Variants in CLHC1 observed in about 807,000 individuals in gnomAD.
CLHC1 encodes the protein clathrin heavy chain linker domain-containing protein 1.
A neutral mutation model predicts 69.5 loss-of-function variants in CLHC1; 72 were observed. The ratio of observed to expected loss-of-function variants is 1.04; its 90% CI spans 0.86 to 1.26. The LOEUF (loss-of-function observed/expected upper bound fraction) is 1.26. Among genes scored for constraint, CLHC1 ranks in the 50% most tolerant of loss-of-function variants. The probability of loss-of-function intolerance (pLI) is 0.00; values close to 1 mark genes in which losing one functional copy is unlikely to be tolerated. For synonymous variants in CLHC1, 223 were observed against 224.3 expected, an observed-to-expected ratio of 0.99 and a Z score of 0.05; for missense variants, 790 against 679.3, an observed-to-expected ratio of 1.16 and a Z score of -1.81.
At position 55,227,692 on chromosome 2, in the gene CLHC1, A is replaced by AG. The variant is rs11411873; in HGVS notation, c.-83+339dup. Among the ~76,000 whole-genome samples, 16 of 151,110 alleles carry AG rather than the reference A, an allele frequency of 1.1e-4. No individual in the cohort carries two copies. In the East Asian group the frequency reaches 3.1e-3, roughly 29 times the overall value. Reference sequence around the variant, plus strand: ...GACTCCATCTCAAAAAAAAAAAAAAAGTAAAAGATAAAAGTCAAAAGAGGA... The same window carrying AG: ...GACTCCATCTCAAAAAAAAAAAAAAAGGTAAAAGATAAAAGTCAAAAGAGGA... On this transcript the variant is annotated intron_variant, in intron 2 of 12. Transcript: ENST00000401408.
chr2:55,213,428 T>C (rs1673195372), intron 4 of CLHC1, among the ~76,000 whole-genome samples: 1 of 152,230 alleles, frequency 6.6e-6, no homozygotes, highest in Non-Finnish European at 1.5e-5. Flanking sequence ...GGCTTACTTT[T>C]ATAACCTCCC....
chr2:55,208,865 CTTTTTTTTTTT>C (rs142601208), intron 7 of CLHC1, among the ~76,000 whole-genome samples, 155 bp from the exon 8 acceptor site: 1 of 90,820 alleles, frequency 1.1e-5, no homozygotes, highest in African/African-American at 4.0e-5. Flanking sequence ...TCCCTTTCCT[CTTTTTTTTTTT>C]TTTTTTTTTT....
intron 2 of CLHC1, among the ~76,000 whole-genome samples, chr2:55,223,594 C>CG (rs1485116296): frequency 1.3e-5 from 2 of 151,434 alleles, no homozygotes; most frequent in Non-Finnish European, 2.9e-5. Flanking sequence ...GTGTCGGCCT[C>CG]GGGGGACGGT....
intron 9 of CLHC1, among the ~76,000 whole-genome samples, chr2:55,182,611 A>G (rs1456157358): frequency 6.6e-6 from 1 of 152,198 alleles, no homozygotes; most frequent in Non-Finnish European, 1.5e-5. Flanking sequence ...AGAGAGAACT[A>G]CTGGATATGG....
chr2:55,175,772 G>C lies in CLHC1; in HGVS notation c.*18C>G, dbSNP rs748450750. The C allele has an allele frequency of 3.1e-6, 5 of 1,600,100 alleles. No individual in the cohort carries two copies. Among genetic ancestry groups the C allele is most frequent in the African/African-American group, 1.3e-5 (1 of 74,560 alleles). ...ATAAGGTGTTGTACAAGCTCCCTCA[G>C]CTGGTTAAGATATAGAACTACCAAA... is the stretch of plus-strand genomic sequence containing the variant. On this transcript the variant is annotated 3_prime_UTR_variant, in exon 13 of 13. Coordinates refer to ENST00000401408, the MANE Select transcript of CLHC1 (RefSeq NM_152385.4).
rs181453920 is a variant in CLHC1 at position 55,194,122 on chromosome 2, G to C, written c.1006+12148C>G. Among the ~76,000 whole-genome samples, 31 of 152,138 alleles carry C rather than the reference G, an allele frequency of 2.0e-4. 1 individual carries two copies. The East Asian group carries it at 5.8e-3, about 28-fold the overall frequency. ...TTGCCTGCAGTTTGGAGAGGAAGAA[G>C]AGGCCAGGGAATGAGGAGTTAATGG... On this transcript the variant is annotated intron_variant, in intron 9 of 12. Transcript: ENST00000401408.
Position 55,188,295 on chromosome 2 carries a change from G to A in CLHC1, c.1007-6551C>T, listed in dbSNP as rs373858169. ...TGTACCACTGCACTCCAGCCTAGGT[G>A]ACAGAGCAAGACCCTGTCTTAACAA... On this transcript the variant is annotated intron_variant, in intron 9 of 12. Coordinates refer to ENST00000401408, the MANE Select transcript of CLHC1 (RefSeq NM_152385.4). Among the ~76,000 whole-genome samples, 10 of 152,202 alleles carry A rather than the reference G, an allele frequency of 6.6e-5. No homozygotes were observed. The East Asian group carries it at 1.2e-3, about 18-fold the overall frequency.
chr2:55,195,862 C>A (rs1671365052), intron 9 of CLHC1, among the ~76,000 whole-genome samples: 1 of 152,066 alleles, frequency 6.6e-6, no homozygotes, highest in South Asian at 2.1e-4. Flanking sequence ...CAAAAAAGCA[C>A]CTTCATAAGA....
intron 4 of CLHC1, chr2:55,215,875 A>T (rs1482220947): frequency 6.6e-6 from 1 of 152,076 alleles, no homozygotes; most frequent in African/African-American, 2.4e-5. Context: ...GAAAAAATGT[A>T]TTAGGTAGTA....
At chr2:55,177,167 C>G (rs1669471669) in intron 12 of CLHC1, among the ~76,000 whole-genome samples, 2 of 152,114 alleles carry the variant, frequency 1.3e-5, no homozygotes, top group Non-Finnish European at 2.9e-5. Flanking sequence ...GCCACTGCAC[C>G]CAGCCTAATT....
At chr2:55,198,430 T>A (rs1187283747) in intron 9 of CLHC1, among the ~76,000 whole-genome samples, 1 of 151,818 alleles carries the variant, frequency 6.6e-6, no homozygotes, top group African/African-American at 2.4e-5. Flanking sequence ...TACTAAAAAA[T>A]ACAAAAATTA....
At chr2:55,229,213 TA>T (rs1275451993) in intron 1 of CLHC1, among the ~76,000 whole-genome samples, 15 of 138,332 alleles carry the variant, frequency 1.1e-4, no homozygotes, top group Admixed American at 1.4e-4. Context: ...GTATGACAGA[TA>T]GGGGTTAAGT....
At position 55,184,001 on chromosome 2, in the gene CLHC1, G is replaced by A. The variant is rs186861450; in HGVS notation, c.1007-2257C>T. ...TCACCATGTTGGCCAGGATGGTCTC[G>A]ATCTCTTGACCTCGTGATCCGCCTG... On this transcript the variant is annotated intron_variant, in intron 9 of 12. Transcript: ENST00000401408. Among the ~76,000 whole-genome samples the A allele has an allele frequency of 8.3e-3, 1,270 of 152,158 alleles. 10 individuals are homozygous for A. The highest frequency in any genetic ancestry group is 0.015 in the Non-Finnish European group (1,004 of 68,006).
chr2:55,197,439 G>A (rs1671532468), intron 9 of CLHC1, among the ~76,000 whole-genome samples: 2 of 152,318 alleles, frequency 1.3e-5, no homozygotes, highest in South Asian at 4.1e-4. Flanking sequence ...CATTCCCAGA[G>A]CTGGTGACCA....
intron 9 of CLHC1, among the ~76,000 whole-genome samples, chr2:55,190,891 T>C (rs960157835): frequency 6.6e-6 from 1 of 151,496 alleles, no homozygotes; most frequent in Admixed American, 6.6e-5. Context: ...ACTCCAAGCA[T>C]AAGAAGCATG....
chr2:55,209,374 G>T (rs1287320048), intron 7 of CLHC1, 30 bp downstream of exon 7: 1 of 1,349,632 alleles, frequency 7.4e-7, no homozygotes, highest in Non-Finnish European at 1.0e-6. Flanking sequence ...TTCCATTATT[G>T]GTACTAATTT....
At chr2:55,231,602 G>T (rs942101685) in intron 1 of CLHC1, among the ~76,000 whole-genome samples, 1 of 152,150 alleles carries the variant, frequency 6.6e-6, no homozygotes, top group African/African-American at 2.4e-5. Flanking sequence ...TTGGGGATGG[G>T]GTCGCAGAGG....
At chr2:55,188,009 A>G (rs1009304051) in intron 9 of CLHC1, among the ~76,000 whole-genome samples, 8 of 152,166 alleles carry the variant, frequency 5.3e-5, no homozygotes, top group Non-Finnish European at 1.2e-4. Flanking sequence ...AAAATGGGAA[A>G]TCCAAATACA....
At chr2:55,206,125 T>C (rs1281797398) in intron 9 of CLHC1, 145 bp downstream of exon 9, 1 of 585,398 alleles carries the variant, frequency 1.7e-6, no homozygotes, top group South Asian at 2.3e-5. Context: ...AAATCCCTAA[T>C]GTTACTGCTA....
Sources: gnomAD v4.1 joint callset for allele counts (sites outside exome capture counted in the v4.1 genomes callset) on GRCh38, gnomAD v4.1.1 for gene constraint, MANE v1.5 for transcripts, NCBI Gene and HGNC (gene_info 2026-07-23, HGNC 2026-07-21) for gene names.